Variants in CLCN4 observed in about 807,000 individuals in gnomAD.
CLCN4 encodes the protein H(+)/Cl(-) exchange transporter 4.
A neutral mutation model predicts 41.7 loss-of-function variants in CLCN4; 1 was observed. That is an observed-to-expected ratio of 0.02 (90% CI 0.01 to 0.11). The LOEUF is 0.11. CLCN4 is among the 10% of genes least tolerant of loss of function. The probability of loss-of-function intolerance (pLI) is 1.00; values close to 1 mark genes in which losing one functional copy is unlikely to be tolerated. For missense variants in CLCN4, 287 were observed against 661.0 expected (o/e 0.43, Z 6.20); for synonymous variants, 277 against 285.8 (o/e 0.97, Z 0.31).
intron 2 of CLCN4, among the ~76,000 whole-genome samples, chrX:10,175,934 C>T: frequency 1.6e-5 from 1 of 64,479 alleles, no homozygotes; most frequent in African/African-American, 6.9e-5. Flanking sequence ...CTCTCCCCCT[C>T]CCTCCCTCTC....
At chrX:10,189,059 AG>A (rs1923887668) in intron 4 of CLCN4, among the ~76,000 whole-genome samples, 1 of 112,335 alleles carries the variant, frequency 8.9e-6, no homozygotes, top group African/African-American at 3.2e-5. Context: ...CATTGTCACA[AG>A]GGATTGGACG....
chrX:10,200,102 G>A (rs991773241), intron 6 of CLCN4, among the ~76,000 whole-genome samples: 6 of 111,443 alleles, frequency 5.4e-5, no homozygotes, highest in Non-Finnish European at 7.6e-5. Context: ...TCTATTGCCC[G>A]GGCTGGTCTC....
intron 2 of CLCN4, among the ~76,000 whole-genome samples, chrX:10,174,500 G>C (rs1246854306): frequency 1.8e-5 from 2 of 112,496 alleles, no homozygotes; most frequent in African/African-American, 6.5e-5. Context: ...CGAACAGCTG[G>C]GCCCTGTTCC....
chrX:10,211,125 G>T (rs1371568278), intron 9 of CLCN4, among the ~76,000 whole-genome samples: 1 of 106,578 alleles, frequency 9.4e-6, no homozygotes, highest in African/African-American at 3.4e-5. Context: ...AATTAGCTGG[G>T]CGTGGTGACA....
intron 12 of CLCN4, among the ~76,000 whole-genome samples, chrX:10,232,011 A>G (rs1376040482): frequency 9.0e-6 from 1 of 111,688 alleles, no homozygotes; most frequent in Non-Finnish European, 1.9e-5. Context: ...TAGGGTCATG[A>G]TATATTCTTT....
chrX:10,212,106 G>T (rs1924571360), intron 9 of CLCN4, among the ~76,000 whole-genome samples: 1 of 112,091 alleles, frequency 8.9e-6, no homozygotes, highest in Non-Finnish European at 1.9e-5. Flanking sequence ...AAGCCATTCT[G>T]AATGACATGG....
intron 6 of CLCN4, among the ~76,000 whole-genome samples, chrX:10,199,980 G>C (rs1924197238): frequency 9.0e-6 from 1 of 111,485 alleles, no homozygotes; most frequent in Non-Finnish European, 1.9e-5. Flanking sequence ...TGTTGGCCTA[G>C]CCTCATGTGA....
At chrX:10,224,515 C>T (rs1359041549) in intron 12 of CLCN4, among the ~76,000 whole-genome samples, 1 of 109,453 alleles carries the variant, frequency 9.1e-6, no homozygotes. Context: ...TACTAAAGAA[C>T]ATGGACATAA....
In CLCN4 at chrX:10,236,824, A is replaced by T. The variant is rs1375255316; in HGVS notation, c.*3240A>T. The T allele has an allele frequency of 9.0e-6, 1 of 111,133 alleles. No individual in the cohort carries two copies. The highest frequency in any genetic ancestry group is 1.9e-5 in the Non-Finnish European group (1 of 52,969). The allele number at this position is 111,133 out of a possible 1,213,427, so 9.2% of individuals were successfully genotyped here. ...TTTTAACATAAAAAACCATCAACACATCATGGGAAAGGAGCTCTTTCATGA... is the reference window on the plus strand; with the variant it reads ...TTTTAACATAAAAAACCATCAACACTTCATGGGAAAGGAGCTCTTTCATGA... On this transcript the variant is annotated 3_prime_UTR_variant, in exon 13 of 13. Coordinates refer to ENST00000380833, the MANE Select transcript of CLCN4 (RefSeq NM_001830.4).
intron 12 of CLCN4, among the ~76,000 whole-genome samples, chrX:10,226,805 T>C (rs1285777512): frequency 3.6e-5 from 4 of 110,033 alleles, no homozygotes; most frequent in Non-Finnish European, 7.6e-5. Flanking sequence ...CTAGAAGAAA[T>C]AGATAAATTC....
At chrX:10,194,715 A>G (rs1195853216) in intron 4 of CLCN4, among the ~76,000 whole-genome samples, 196 bp from the exon 5 acceptor site, 1 of 112,319 alleles carries the variant, frequency 8.9e-6, no homozygotes, top group Non-Finnish European at 1.9e-5. Flanking sequence ...TGCCTTGCCC[A>G]TAACATAAAT....
intron 2 of CLCN4, among the ~76,000 whole-genome samples, chrX:10,177,572 T>A (rs1443611628): frequency 8.9e-6 from 1 of 111,884 alleles, no homozygotes; most frequent in Admixed American, 9.5e-5. Context: ...GCTGGTCATG[T>A]TTCGTCCCAT....
At chrX:10,198,178 A>C in intron 6 of CLCN4, 117 bp downstream of exon 6, 5 of 700,266 alleles carry the variant, frequency 7.1e-6, no homozygotes, top group African/African-American at 2.1e-5. Flanking sequence ...TAAGTTTCTC[A>C]ATAAGACTAT....
chrX:10,188,079 G>C (rs757145004), intron 4 of CLCN4, among the ~76,000 whole-genome samples: 1 of 111,819 alleles, frequency 8.9e-6, no homozygotes, highest in South Asian at 3.8e-4. Context: ...ACCATGCTCA[G>C]CTAATTTTTG....
At chrX:10,189,774 C>T (rs1163255446) in intron 4 of CLCN4, among the ~76,000 whole-genome samples, 1 of 112,063 alleles carries the variant, frequency 8.9e-6, no homozygotes, top group Non-Finnish European at 1.9e-5. Context: ...TCCGCATGTG[C>T]TTATCAGAAG....
At chrX:10,186,484 C>A (rs1311442655) in intron 3 of CLCN4, among the ~76,000 whole-genome samples, 2 of 110,800 alleles carry the variant, frequency 1.8e-5, no homozygotes, top group African/African-American at 6.6e-5. Flanking sequence ...ACAAGGTCAC[C>A]CTCTATGGAG....
At chrX:10,204,613 CTTTTTTTTTTTTTTTTTTTTTT>C (rs61453535) in intron 6 of CLCN4, among the ~76,000 whole-genome samples, 14 of 27,346 alleles carry the variant, frequency 5.1e-4, no homozygotes, top group African/African-American at 7.1e-4. Context: ...AGCTAGTAGT[CTTTTTTTTTTTTTTTTTTTTTT>C]TTTTTTTTTT....
rs1457434808 is a variant in CLCN4 at position 10,220,627 on chromosome X, G to A, written c.1976-34G>A. On this transcript the variant is annotated intron_variant, in intron 11 of 12. Coordinates refer to ENST00000380833, the MANE Select transcript of CLCN4 (RefSeq NM_001830.4). ...GGGAATTGCTCAGCAAGGGGTTTTT[G>A]TGTGGCTCATTGTTCCTGCTCACCC... The A allele has an allele frequency of 3.6e-6, 4 of 1,121,517 alleles. No individual in the cohort carries two copies. In the Admixed American group the frequency reaches 8.7e-5, roughly 24 times the overall value. 92.4% of individuals were successfully genotyped at this position (1,121,517 alleles called of 1,213,427 possible). A position where few individuals can be genotyped will look rare whatever the true frequency, so the allele number is the denominator to read the frequency against.
intron 11 of CLCN4, among the ~76,000 whole-genome samples, chrX:10,219,154 A>G (rs915565917): frequency 8.9e-6 from 1 of 112,324 alleles, no homozygotes; most frequent in Non-Finnish European, 1.9e-5. Flanking sequence ...TTATTGTAGC[A>G]AGTGGATCGA....
Sources: allele counts gnomAD v4.1 joint callset (sites outside exome capture counted in the v4.1 genomes callset), GRCh38; gene constraint gnomAD v4.1.1; transcripts MANE v1.5; gene names NCBI Gene and HGNC (gene_info 2026-07-23, HGNC 2026-07-21).